CCNY: variants seen among roughly 807,000 people sequenced by gnomAD.
CCNY encodes cyclin-Y.
Under a neutral mutation model 42.8 loss-of-function variants are expected in CCNY, and 19 were observed. The ratio of observed to expected loss-of-function variants is 0.44; its 90% CI spans 0.31 to 0.65. The LOEUF (loss-of-function observed/expected upper bound fraction) is 0.65. Among genes scored for constraint, CCNY ranks in the 30% least tolerant of loss-of-function variants. The probability of loss-of-function intolerance (pLI) is 0.07; values close to 1 mark genes in which losing one functional copy is unlikely to be tolerated. For missense variants in CCNY, 370 were observed against 437.3 expected, an observed-to-expected ratio of 0.85 and a Z score of 1.37; for synonymous variants, 165 against 162.7, an observed-to-expected ratio of 1.01 and a Z score of -0.11.
At chr10:35,336,439 A>AGGGGCGGTGACGGGGCGGGGCG (rs1554777720), upstream of CCNY, 2 of 151,568 alleles carry the variant, frequency 1.3e-5, no homozygotes, top group Admixed American at 6.6e-5. Flanking sequence ...GGCAGAGGGA[A>AGGGGCGGTGACGGGGCGGGGCG]GGGGCGGTGA....
At chr10:35,268,086 G>A (rs373701378) in intron 3 of CCNY, among the ~76,000 whole-genome samples, 5 of 152,078 alleles carry the variant, frequency 3.3e-5, no homozygotes, top group South Asian at 2.1e-4. Flanking sequence ...CACTACACCC[G>A]GCTAATTTTG....
chr10:35,497,967 TTATGGGG>T (rs1427042340), intron 2 of CCNY, among the ~76,000 whole-genome samples: 1 of 152,018 alleles, frequency 6.6e-6, no homozygotes, highest in Non-Finnish European at 1.5e-5. Flanking sequence ...CACCACTGCT[TTATGGGG>T]GTCCAGGAAT....
chr10:35,449,733 G>A (rs533247353), intron 1 of CCNY: 153 of 985,246 alleles, frequency 1.6e-4, no homozygotes, highest in Middle Eastern at 5.2e-4. Context: ...GCAGGGAGCA[G>A]AGATGGCAGG....
intron 5 of CCNY, among the ~76,000 whole-genome samples, chr10:35,528,473 G>A (rs756690970): frequency 8.5e-5 from 13 of 152,200 alleles, no homozygotes; most frequent in Non-Finnish European, 1.5e-4. Context: ...GGAGGCCGAG[G>A]CAGGCGGATC....
intron 1 of CCNY, among the ~76,000 whole-genome samples, chr10:35,439,147 G>A (rs1440291432): frequency 6.6e-6 from 1 of 152,040 alleles, no homozygotes; most frequent in Non-Finnish European, 1.5e-5. Flanking sequence ...TCTGTTTCTT[G>A]CCAAATTTGG....
chr10:35,540,501 G>A (rs1840977164), intron 7 of CCNY, among the ~76,000 whole-genome samples: 2 of 151,706 alleles, frequency 1.3e-5, no homozygotes. Flanking sequence ...TCTTGTGATA[G>A]CTTTGGTTTT....
At position 35,274,740 on chromosome 10, in the gene CCNY, T is replaced by C. The variant is rs1355798400; in HGVS notation, c.-9+24114T>C. ...GAAATGTATACTGTTTCGTGTCCCATGTGAATGGAAACTGCTTCTCATCCT... is the reference window on the plus strand; with the variant it reads ...GAAATGTATACTGTTTCGTGTCCCACGTGAATGGAAACTGCTTCTCATCCT... On this transcript the variant is annotated intron_variant, in intron 3 of 11. Coordinates refer to the CCNY transcript ENST00000374706. Among the ~76,000 whole-genome samples the C allele has an allele frequency of 2.0e-5, 3 of 152,018 alleles. No homozygotes were observed. In the East Asian group the frequency reaches 5.8e-4, roughly 29 times the overall value.
intron 1 of CCNY, among the ~76,000 whole-genome samples, chr10:35,419,903 A>G (rs1182314545): frequency 6.6e-6 from 1 of 151,828 alleles, no homozygotes; most frequent in African/African-American, 2.4e-5. Flanking sequence ...TAATTAAAAG[A>G]AGAAATAGAT....
chr10:35,519,377 T>C (rs1840497732), intron 4 of CCNY, among the ~76,000 whole-genome samples: 1 of 152,202 alleles, frequency 6.6e-6, no homozygotes, highest in South Asian at 2.1e-4. Context: ...TGTGGGTATC[T>C]GGATTTTTAA....
In CCNY at chr10:35,456,964, CAT is replaced by C. The variant is rs755727820; in HGVS notation, c.155-26439_155-26438del. Among the ~76,000 whole-genome samples, 9 of 152,288 alleles carry C rather than the reference CAT, an allele frequency of 5.9e-5. No individual in the cohort carries two copies. In the East Asian group the frequency reaches 1.5e-3, roughly 26 times the overall value. On this transcript the variant is annotated intron_variant, in intron 1 of 9. Transcript: ENST00000374704. ...TTGAATTGTTCTGCTTTCTCTGTCACATGTTAATATTATGCCATGTGATTCAA... is the reference window on the plus strand; with the variant it reads ...TTGAATTGTTCTGCTTTCTCTGTCACGTTAATATTATGCCATGTGATTCAA...
intron 3 of CCNY, among the ~76,000 whole-genome samples, chr10:35,263,213 C>T (rs760439115): frequency 6.6e-6 from 1 of 151,804 alleles, no homozygotes; most frequent in Non-Finnish European, 1.5e-5. Context: ...ACAAATTAGC[C>T]AGGCGTGGTG....
chr10:35,302,923 C>T (rs1341602125), intron 3 of CCNY, among the ~76,000 whole-genome samples: 3 of 152,048 alleles, frequency 2.0e-5, no homozygotes, highest in Non-Finnish European at 4.4e-5. Context: ...AGGCTGGGCA[C>T]GGTGGCTCAT....
chr10:35,434,176 A>T (rs3013362), intron 1 of CCNY: 56,108 of 152,090 alleles, frequency 0.37, 10,585 homozygotes, highest in African/African-American at 0.43. Context: ...AATGTGATGC[A>T]GATGTGGACG....
At chr10:35,453,571 T>C (rs1838965416) in intron 1 of CCNY, among the ~76,000 whole-genome samples, 2 of 152,254 alleles carry the variant, frequency 1.3e-5, no homozygotes, top group South Asian at 4.1e-4. Context: ...TATGACAAGG[T>C]ATTAATACAT....
At chr10:35,568,877 A>T (rs1482108687) in intron 9 of CCNY, among the ~76,000 whole-genome samples, 177 bp from the exon 10 acceptor site, 3 of 152,226 alleles carry the variant, frequency 2.0e-5, no homozygotes, top group East Asian at 3.9e-4. Context: ...ACAAGAGCTG[A>T]GTCCACACTC....
At chr10:35,567,936 T>C (rs1841604132) in intron 9 of CCNY, among the ~76,000 whole-genome samples, 1 of 152,104 alleles carries the variant, frequency 6.6e-6, no homozygotes, top group Non-Finnish European at 1.5e-5. Flanking sequence ...TGAAGGCAAA[T>C]GTTGTGAAAC....
At chr10:35,494,611 A>G (rs1358957569) in intron 2 of CCNY, among the ~76,000 whole-genome samples, 13 of 152,352 alleles carry the variant, frequency 8.5e-5, no homozygotes, top group Non-Finnish European at 7.3e-5. Context: ...GTCCAAATGC[A>G]TCTAACAATG....
Position 35,419,533 on chromosome 10 carries a change from C to CTTTTTTTTTTTTTTTTTTTTTT in CCNY, c.155-63856_155-63855insTTTTTTTTTTTTTTTTTTTTTT, listed in dbSNP as rs34429228. Reference sequence around the variant, plus strand: ...AGGACTGGGTTGCATTAGACCGTTCCTTTTTTTTTTTTTTTAGCAATCTGG... The same window carrying CTTTTTTTTTTTTTTTTTTTTTT: ...AGGACTGGGTTGCATTAGACCGTTCCTTTTTTTTTTTTTTTTTTTTTTTTTTTTTTTTTTTTTAGCAATCTGG... On this transcript the variant is annotated intron_variant, in intron 1 of 9. Transcript: ENST00000374704. Among the ~76,000 whole-genome samples the CTTTTTTTTTTTTTTTTTTTTTT allele has an allele frequency of 1.7e-3, 221 of 129,594 alleles. 10 individuals carry two copies. Among genetic ancestry groups the CTTTTTTTTTTTTTTTTTTTTTT allele is most frequent in the African/African-American group, 6.7e-3 (211 of 31,646 alleles). The allele number at this position is 129,594 out of a possible 152,430, so 85.0% of individuals were successfully genotyped here.
At chr10:35,519,011 T>C (rs1157008058) in intron 4 of CCNY, among the ~76,000 whole-genome samples, 1 of 150,370 alleles carries the variant, frequency 6.7e-6, no homozygotes, top group Admixed American at 6.6e-5. Flanking sequence ...ACTGTGGGTA[T>C]TTGGATTTGT....
Sources: allele counts gnomAD v4.1 joint callset (sites outside exome capture counted in the v4.1 genomes callset), GRCh38; gene constraint gnomAD v4.1.1; transcripts MANE v1.5; gene names NCBI Gene and HGNC (gene_info 2026-07-23, HGNC 2026-07-21).